Variants in KGD4 observed in about 807,000 individuals in gnomAD.
The protein encoded by KGD4 is alpha-ketoglutarate dehydrogenase component 4.
At chr5:69,219,102 TCCTACA>T in the KGD4 span, among the ~76,000 whole-genome samples, 1 of 152,140 alleles carries the variant, frequency 6.6e-6, no homozygotes, top group Non-Finnish European at 1.5e-5. Context: ...AACCATGAGG[TCCTACA>T]CATCCACCAA....
At chr5:69,220,475 C>T in the KGD4 span, among the ~76,000 whole-genome samples, 1 of 152,130 alleles carries the variant, frequency 6.6e-6, no homozygotes, top group Non-Finnish European at 1.5e-5. Flanking sequence ...GGCAACATAG[C>T]AAGACCCCAT....
the KGD4 span, among the ~76,000 whole-genome samples, chr5:69,225,825 C>T: frequency 2.6e-5 from 4 of 152,134 alleles, no homozygotes; most frequent in East Asian, 1.9e-4. Flanking sequence ...GTGATCCGTC[C>T]GCCTCGGCCT....
chr5:69,229,371 G>A, the KGD4 span: 18 of 611,986 alleles, frequency 2.9e-5, no homozygotes, highest in South Asian at 2.6e-4. Flanking sequence ...ATGGACACTT[G>A]TATTTCCTAA....
chr5:69,229,201 T>C, the KGD4 span: 1 of 1,609,890 alleles, frequency 6.2e-7, no homozygotes, highest in Non-Finnish European at 8.5e-7. Flanking sequence ...TATTTTTTCC[T>C]TTTCAGCGTG....
the KGD4 span, among the ~76,000 whole-genome samples, chr5:69,222,900 C>T: frequency 1.3e-5 from 2 of 151,448 alleles, no homozygotes; most frequent in Non-Finnish European, 2.9e-5. Flanking sequence ...CTTAGCCTCC[C>T]GAGTAGCTGG....
the KGD4 span, among the ~76,000 whole-genome samples, chr5:69,225,905 AT>A: frequency 1.3e-5 from 2 of 151,904 alleles, no homozygotes; most frequent in African/African-American, 2.4e-5. Context: ...TTTTGTTTTA[AT>A]TTTTGGTAGA....
chr5:69,226,297 G>C, the KGD4 span: 1 of 1,359,440 alleles, frequency 7.4e-7, no homozygotes, highest in Non-Finnish European at 1.0e-6. Flanking sequence ...ATTTCTTTTA[G>C]TTAATGAGAT....
At chr5:69,225,567 CT>C in the KGD4 span, among the ~76,000 whole-genome samples, 1,193 of 120,256 alleles carry the variant, frequency 9.9e-3, 18 homozygotes, top group African/African-American at 0.031. Flanking sequence ...GCTCAGCCAC[CT>C]TTTTTTTTTT....
At chr5:69,217,970 G>A in the KGD4 span, 1 of 1,594,330 alleles carries the variant, frequency 6.3e-7, no homozygotes, top group Non-Finnish European at 8.6e-7. Flanking sequence ...AGGCAGAGCG[G>A]TGACCGCGCC....
the KGD4 span, among the ~76,000 whole-genome samples, chr5:69,219,583 G>A: frequency 6.6e-6 from 1 of 152,064 alleles, no homozygotes; most frequent in Non-Finnish European, 1.5e-5. Flanking sequence ...AACAAATGAA[G>A]AAACTGTGAG....
the KGD4 span, among the ~76,000 whole-genome samples, chr5:69,219,003 T>G: frequency 6.6e-6 from 1 of 152,210 alleles, no homozygotes; most frequent in Non-Finnish European, 1.5e-5. Context: ...GGTAAAAGAC[T>G]TGGCGTGTTG....
At chr5:69,228,982 T>C in the KGD4 span, among the ~76,000 whole-genome samples, 1 of 124,602 alleles carries the variant, frequency 8.0e-6, no homozygotes, top group Non-Finnish European at 1.6e-5. Flanking sequence ...GCCACTGCAC[T>C]CTAGCTTGGG....
At chr5:69,226,578 G>A in the KGD4 span, among the ~76,000 whole-genome samples, 1 of 152,160 alleles carries the variant, frequency 6.6e-6, no homozygotes, top group African/African-American at 2.4e-5. Flanking sequence ...TGGGAGCGGT[G>A]GCTCACGCCT....
chr5:69,228,409 C>A, the KGD4 span: 1 of 1,572,040 alleles, frequency 6.4e-7, no homozygotes, highest in South Asian at 1.2e-5. Flanking sequence ...CTCTTTATCC[C>A]AAGACTACGC....
chr5:69,223,420 G>A, the KGD4 span, among the ~76,000 whole-genome samples: 1 of 103,902 alleles, frequency 9.6e-6, no homozygotes, highest in Non-Finnish European at 2.1e-5. Flanking sequence ...TGATTTTATG[G>A]TGAGGGAGAG....
the KGD4 span, among the ~76,000 whole-genome samples, chr5:69,221,984 T>C: frequency 3.9e-5 from 1 of 25,854 alleles, no homozygotes; most frequent in South Asian, 1.5e-3. Context: ...CTGGCCAACA[T>C]GGCAAAACCC....
the KGD4 span, chr5:69,229,440 TTA>T: frequency 7.1e-6 from 3 of 421,122 alleles, no homozygotes; most frequent in Non-Finnish European, 1.2e-5. Context: ...TACTTTATAC[TTA>T]TTAAAGTATA....
chr5:69,225,624 G>A, the KGD4 span, among the ~76,000 whole-genome samples: 1 of 142,642 alleles, frequency 7.0e-6, no homozygotes, highest in Non-Finnish European at 1.5e-5. Context: ...AGGCTAGAGT[G>A]CAGTGGCACG....
At chr5:69,224,818 T>C in the KGD4 span, among the ~76,000 whole-genome samples, 89 of 152,124 alleles carry the variant, frequency 5.9e-4, no homozygotes, top group Middle Eastern at 3.4e-3. Flanking sequence ...CTCACACCTG[T>C]AATCCCAGCA....
Sources: allele counts gnomAD v4.1 joint callset (sites outside exome capture counted in the v4.1 genomes callset), GRCh38; gene constraint gnomAD v4.1.1; transcripts MANE v1.5; gene names NCBI Gene and HGNC (gene_info 2026-07-23, HGNC 2026-07-21).